SEM1: variants seen among roughly 807,000 people sequenced by gnomAD.
The protein encoded by SEM1 is 26S proteasome complex subunit SEM1.
In SEM1, 3 loss-of-function variants were observed where a neutral mutation model predicts 12.7. The observed-to-expected ratio is 0.24, with a 90% confidence interval of 0.11 to 0.61. The LOEUF (loss-of-function observed/expected upper bound fraction) is 0.61. Ranked by LOEUF, SEM1 falls within the 20% of genes least tolerant of loss-of-function variation. SEM1 has a pLI of 0.88. For missense variants in SEM1, 59 were observed against 81.3 expected (o/e 0.73, Z 1.06); for synonymous variants, 30 against 27.8 (o/e 1.08, Z -0.25).
intron 2 of SEM1, among the ~76,000 whole-genome samples, chr7:96,555,720 G>C (rs78914256): frequency 0.017 from 2,362 of 142,834 alleles, 48 homozygotes; most frequent in East Asian, 0.073. Context: ...TTGGTGCAGA[G>C]CTGAGTTCAA....
chr7:96,546,514 CA>C (rs1248769112), intron 2 of SEM1, among the ~76,000 whole-genome samples: 1 of 152,032 alleles, frequency 6.6e-6, no homozygotes, highest in African/African-American at 2.4e-5. Context: ...TATGTGTTGA[CA>C]AAAACCAGCA....
intron 2 of SEM1, among the ~76,000 whole-genome samples, chr7:96,557,898 C>T (rs1359244455): frequency 6.6e-6 from 1 of 152,154 alleles, no homozygotes; most frequent in Non-Finnish European, 1.5e-5. Context: ...TCGTGGTGAG[C>T]CGTTTTTTAA....
At position 96,609,852 on chromosome 7, in the gene SEM1, T is replaced by C. The variant is rs528184892; in HGVS notation, c.170+84946A>G. Among the ~76,000 whole-genome samples, 52 of 152,314 alleles carry C rather than the reference T, an allele frequency of 3.4e-4. No individual in the cohort carries two copies. The South Asian group carries it at 0.01, about 30-fold the overall frequency. Reference sequence around the variant, plus strand: ...ATTGGGAATGGTGAAAGATGAGATGTGCAAGTATGATTGATACCTGTTGTT... The same window carrying C: ...ATTGGGAATGGTGAAAGATGAGATGCGCAAGTATGATTGATACCTGTTGTT... On this transcript the variant is annotated intron_variant and NMD_transcript_variant, in intron 2 of 3. Transcript: ENST00000466986.
At chr7:96,484,615 T>C (rs1346754755) in intron 3 of SEM1, among the ~76,000 whole-genome samples, 1 of 152,090 alleles carries the variant, frequency 6.6e-6, no homozygotes, top group Non-Finnish European at 1.5e-5. Context: ...GCCATAACCA[T>C]TATGAACAGA....
chr7:96,674,061 G>GC (rs967914922), intron 2 of SEM1, among the ~76,000 whole-genome samples: 3 of 151,992 alleles, frequency 2.0e-5, no homozygotes, highest in Non-Finnish European at 2.9e-5. Context: ...CCTCAGATAA[G>GC]CCTAATGGTC....
At chr7:96,561,392 C>T (rs1447653397) in intron 2 of SEM1, among the ~76,000 whole-genome samples, 1 of 152,170 alleles carries the variant, frequency 6.6e-6, no homozygotes, top group Non-Finnish European at 1.5e-5. Flanking sequence ...GAAATTCCTC[C>T]TGCTCTAATG....
intron 2 of SEM1, among the ~76,000 whole-genome samples, chr7:96,642,107 A>C (rs1195519289): frequency 6.6e-6 from 1 of 152,092 alleles, no homozygotes; most frequent in Non-Finnish European, 1.5e-5. Flanking sequence ...TCACATTTCA[A>C]GGGTTCCATA....
chr7:96,682,667 C>A (rs1485586590), intron 2 of SEM1, among the ~76,000 whole-genome samples: 3 of 152,026 alleles, frequency 2.0e-5, no homozygotes, highest in Non-Finnish European at 2.9e-5. Context: ...CCAGAACTGA[C>A]AAATGGGATC....
intron 2 of SEM1, among the ~76,000 whole-genome samples, chr7:96,536,999 T>C (rs539286723): frequency 2.5e-4 from 38 of 151,980 alleles, no homozygotes; most frequent in Non-Finnish European, 4.7e-4. Flanking sequence ...TCTCCCTCTT[T>C]TACTGCTTTC....
chr7:96,601,375 A>G (rs957976946), intron 2 of SEM1, among the ~76,000 whole-genome samples: 4 of 152,024 alleles, frequency 2.6e-5, no homozygotes, highest in African/African-American at 7.2e-5. Context: ...TAGAAGGAGG[A>G]TGGGGTGGGC....
intron 2 of SEM1, among the ~76,000 whole-genome samples, chr7:96,633,205 C>A (rs77357834): frequency 0.014 from 2,139 of 151,960 alleles, 39 homozygotes; most frequent in African/African-American, 0.049. Flanking sequence ...TAAGATATTG[C>A]AAGAAGGAAT....
intron 2 of SEM1, among the ~76,000 whole-genome samples, chr7:96,548,379 A>G (rs1181608678): frequency 6.6e-6 from 1 of 152,172 alleles, no homozygotes; most frequent in Non-Finnish European, 1.5e-5. Flanking sequence ...TACTCAAAGT[A>G]TGGTCCCCAG....
intron 2 of SEM1, among the ~76,000 whole-genome samples, chr7:96,517,466 C>T (rs1258643615): frequency 9.9e-5 from 15 of 152,148 alleles, no homozygotes; most frequent in Admixed American, 7.9e-4. Context: ...TTCTTTTCAA[C>T]ATATGTATAG....
intron 2 of SEM1, among the ~76,000 whole-genome samples, chr7:96,542,820 A>G (rs1001367805): frequency 1.3e-5 from 2 of 151,862 alleles, no homozygotes. Context: ...ATCTTCATAA[A>G]CTCAAATATC....
chr7:96,484,132 G>T, intron 3 of SEM1: 1 of 790,350 alleles, frequency 1.3e-6, no homozygotes, highest in Non-Finnish European at 1.9e-6. Context: ...AGGTATAACT[G>T]TTAAGTAAGT....
chr7:96,688,130 C>A (rs561630251), downstream of SEM1: 1 of 152,232 alleles, frequency 6.6e-6, no homozygotes, highest in Non-Finnish European at 1.5e-5. Context: ...TAAGTCATCA[C>A]AAAGAATCCT....
chr7:96,609,340 C>A (rs138047316), intron 2 of SEM1, among the ~76,000 whole-genome samples: 8 of 152,274 alleles, frequency 5.3e-5, no homozygotes, highest in Non-Finnish European at 1.0e-4. Context: ...ATCAATGTTC[C>A]AGTGTAAGGT....
chr7:96,507,360 C>A (rs568200111), intron 2 of SEM1, among the ~76,000 whole-genome samples: 1 of 152,002 alleles, frequency 6.6e-6, no homozygotes, highest in Non-Finnish European at 1.5e-5. Flanking sequence ...GTAAAAATTA[C>A]TAAATGCTAA....
At chr7:96,506,188 A>G (rs1174543416) in intron 3 of SEM1, among the ~76,000 whole-genome samples, 1 of 152,072 alleles carries the variant, frequency 6.6e-6, no homozygotes, top group Non-Finnish European at 1.5e-5. Flanking sequence ...AGATGTTCCC[A>G]GATCATCTTG....
Sources: allele counts gnomAD v4.1 joint callset (sites outside exome capture counted in the v4.1 genomes callset), GRCh38; gene constraint gnomAD v4.1.1; transcripts MANE v1.5; gene names NCBI Gene and HGNC (gene_info 2026-07-23, HGNC 2026-07-21).